USP50: variants seen among roughly 807,000 people sequenced by gnomAD.
USP50 encodes ubiquitin specific peptidase 50, also known as ubiquitin carboxyl-terminal hydrolase 50.
USP50 carries 37 observed loss-of-function variants against 39.2 expected under a neutral mutation model. The ratio of observed to expected loss-of-function variants is 0.94; its 90% CI spans 0.73 to 1.24. The LOEUF is 1.24. Ranked by LOEUF, USP50 falls within the 50% of genes most tolerant of loss-of-function variation. The pLI is 0.00. For synonymous variants in USP50, 139 were observed against 144.5 expected (o/e 0.96, Z 0.27); for missense variants, 374 against 398.2 (o/e 0.94, Z 0.52).
chr15:50,520,327 G>A (rs1188955062), intron 6 of USP50, among the ~76,000 whole-genome samples: 1 of 150,578 alleles, frequency 6.6e-6, no homozygotes, highest in East Asian at 2.0e-4. Flanking sequence ...TTGAGATAGG[G>A]TTTCCCTCTG....
chr15:50,500,694 A>G lies in USP50; in HGVS notation c.*75T>C. On this transcript the variant is annotated 3_prime_UTR_variant, in exon 7 of 7. Transcript: ENST00000532404. Reference sequence around the variant, plus strand: ...TTGGTATGGAAAAGGGCTGGCAGCTATAGAACAGGAGATCCATAGCATTTT... The same window carrying G: ...TTGGTATGGAAAAGGGCTGGCAGCTGTAGAACAGGAGATCCATAGCATTTT... 1.4e-6 allele frequency: 2 copies of G among 1,411,440 alleles called. No homozygotes were observed. The highest frequency in any genetic ancestry group is 1.8e-4 in the Middle Eastern group (1 of 5,704). 87.4% of individuals were successfully genotyped at this position (1,411,440 alleles called of 1,614,324 possible). A position where few individuals can be genotyped will look rare whatever the true frequency, so the allele number is the denominator to read the frequency against.
At chr15:50,527,864 T>C (rs1420021966) in intron 6 of USP50, among the ~76,000 whole-genome samples, 1 of 152,004 alleles carries the variant, frequency 6.6e-6, no homozygotes, top group Non-Finnish European at 1.5e-5. Flanking sequence ...CTCAAACTCC[T>C]GACCTCAGGT....
In USP50 at chr15:50,519,854, G is replaced by A. The variant is rs193240068; in HGVS notation, c.936+9943C>T. Among the ~76,000 whole-genome samples the A allele has an allele frequency of 7.9e-5, 12 of 152,258 alleles. No homozygotes were observed. In the East Asian group the frequency reaches 1.2e-3, roughly 15 times the overall value. ...GGTGGGAATGTAAATTAGTACAACC[G>A]TTATGGAAAACCAGCATGCAGATTC... On this transcript the variant is annotated intron_variant, in intron 6 of 6. Coordinates refer to ENST00000532404, the MANE Select transcript of USP50 (RefSeq NM_203494.5).
intron 6 of USP50, 95 bp from the exon 7 acceptor site, chr15:50,500,932 C>A: frequency 9.6e-7 from 1 of 1,036,504 alleles, no homozygotes; most frequent in Non-Finnish European, 1.5e-6. Context: ...TTTAAATTGT[C>A]CCTTATTCTA....
intron 6 of USP50, among the ~76,000 whole-genome samples, chr15:50,525,591 T>G (rs2052885745): frequency 7.0e-6 from 1 of 143,618 alleles, no homozygotes; most frequent in Admixed American, 7.1e-5. Flanking sequence ...TATATGTATA[T>G]GTATATATGT....
intron 6 of USP50, among the ~76,000 whole-genome samples, chr15:50,522,088 C>G (rs1234607984): frequency 6.6e-6 from 1 of 152,000 alleles, no homozygotes; most frequent in East Asian, 1.9e-4. Context: ...TGTATAAACT[C>G]CTAGGTACAT....
chr15:50,522,558 G>T (rs1416174968), intron 6 of USP50, among the ~76,000 whole-genome samples: 5 of 152,140 alleles, frequency 3.3e-5, no homozygotes, highest in African/African-American at 1.2e-4. Flanking sequence ...ACTAAAGCCA[G>T]ACAAGGACAG....
chr15:50,534,482 C>T (rs887660056), intron 5 of USP50, among the ~76,000 whole-genome samples: 1 of 152,056 alleles, frequency 6.6e-6, no homozygotes, highest in Non-Finnish European at 1.5e-5. Flanking sequence ...ATAGCAGTAA[C>T]AAATACAACA....
intron 6 of USP50, chr15:50,503,568 C>G (rs1231602620): frequency 2.6e-5 from 4 of 152,184 alleles, no homozygotes; most frequent in African/African-American, 7.2e-5. Flanking sequence ...ACAAAATCCA[C>G]CCTCTAGTGC....
intron 6 of USP50, among the ~76,000 whole-genome samples, chr15:50,515,786 T>C (rs2052798528): frequency 1.3e-5 from 2 of 152,034 alleles, no homozygotes; most frequent in Admixed American, 1.3e-4. Context: ...TGGTAAAACA[T>C]ACATATGCAT....
downstream of USP50, chr15:50,493,762 C>A: frequency 2.2e-6 from 1 of 446,474 alleles, no homozygotes; most frequent in Non-Finnish European, 4.2e-6. Flanking sequence ...AAGAGTAAAG[C>A]CTTCTCTGAT....
intron 1 of USP50, among the ~76,000 whole-genome samples, chr15:50,545,130 A>G (rs2053061428): frequency 1.3e-5 from 2 of 152,164 alleles, no homozygotes; most frequent in East Asian, 3.8e-4. Flanking sequence ...AGAACTGTGA[A>G]CAAGTACCTG....
At chr15:50,507,830 G>C (rs2052683015) in intron 6 of USP50, 1 of 152,090 alleles carries the variant, frequency 6.6e-6, no homozygotes, top group African/African-American at 2.4e-5. Context: ...CAGCACTTTG[G>C]GAGGCCAAGG....
At chr15:50,516,567 A>C (rs1404120806) in intron 6 of USP50, among the ~76,000 whole-genome samples, 1 of 152,198 alleles carries the variant, frequency 6.6e-6, no homozygotes, top group Non-Finnish European at 1.5e-5. Flanking sequence ...CAGTGAGCCA[A>C]GATTACGCCA....
intron 6 of USP50, among the ~76,000 whole-genome samples, chr15:50,525,572 G>GTATATGTATATATGTGTA (rs2052884704): frequency 1.5e-5 from 1 of 64,722 alleles, no homozygotes; most frequent in African/African-American, 5.2e-5. Flanking sequence ...ATGTATATAT[G>GTATATGTATATATGTGTA]TATATGTATA....
At chr15:50,532,122 A>C (rs1397751052) in intron 5 of USP50, 1 of 456,102 alleles carries the variant, frequency 2.2e-6, no homozygotes, top group African/African-American at 2.0e-5. Flanking sequence ...GAGAGTTAAA[A>C]ACTCCAAAGA....
At chr15:50,498,871 A>C (rs1274913511), downstream of USP50, 5 of 1,567,204 alleles carry the variant, frequency 3.2e-6, no homozygotes, top group Admixed American at 9.8e-5. Flanking sequence ...TTTTAACTGA[A>C]TTGATTTTTT....
chr15:50,525,540 A>ATATATG (rs71124369), intron 6 of USP50, among the ~76,000 whole-genome samples: 6,213 of 82,088 alleles, frequency 0.076, 832 homozygotes, highest in African/African-American at 0.27. Flanking sequence ...ATGTATATGT[A>ATATATG]TATATGTATA....
chr15:50,542,343 C>T (rs1265884684), intron 3 of USP50, among the ~76,000 whole-genome samples: 1 of 152,056 alleles, frequency 6.6e-6, no homozygotes, highest in Non-Finnish European at 1.5e-5. Flanking sequence ...CTAATTCCTA[C>T]TTTGATCTTG....
Sources: gnomAD v4.1 joint callset for allele counts (sites outside exome capture counted in the v4.1 genomes callset) on GRCh38, gnomAD v4.1.1 for gene constraint, MANE v1.5 for transcripts, NCBI Gene and HGNC (gene_info 2026-07-23, HGNC 2026-07-21) for gene names.